AGTPBP1: variants seen among roughly 807,000 people sequenced by gnomAD.
AGTPBP1 encodes cytosolic carboxypeptidase 1.
Under a neutral mutation model 143.9 loss-of-function variants are expected in AGTPBP1, and 70 were observed. That is an observed-to-expected ratio of 0.49 (90% CI 0.40 to 0.59). The LOEUF (loss-of-function observed/expected upper bound fraction) is 0.59, where lower values mean the gene tolerates loss of function less well. Ranked by LOEUF, AGTPBP1 falls within the 20% of genes least tolerant of loss-of-function variation. The pLI is 0.00. For synonymous variants in AGTPBP1, 463 were observed against 500.2 expected, an observed-to-expected ratio of 0.93 and a Z score of 0.99; for missense variants, 1,229 against 1,464.5, an observed-to-expected ratio of 0.84 and a Z score of 2.62.
At chr9:85,751,532 T>C in the AGTPBP1 span, among the ~76,000 whole-genome samples, 2 of 152,336 alleles carry the variant, frequency 1.3e-5, no homozygotes, top group Non-Finnish European at 2.9e-5. Flanking sequence ...CTCTGACTCA[T>C]GGCGTCCTTC....
At chr9:85,584,038 T>C (rs1249495312) in intron 23 of AGTPBP1, among the ~76,000 whole-genome samples, 3 of 152,006 alleles carry the variant, frequency 2.0e-5, no homozygotes, top group African/African-American at 7.2e-5. Flanking sequence ...GTGGCAATGA[T>C]GGTGCTGTTC....
In AGTPBP1 at chr9:85,592,600, T is replaced by C. The variant is rs1057083412; in HGVS notation, c.2528A>G (p.Tyr843Cys). The C allele has an allele frequency of 1.9e-6, 3 of 1,611,858 alleles. No individual in the cohort carries two copies. The highest frequency in any genetic ancestry group is 2.5e-6 in the Non-Finnish European group (3 of 1,179,024). The change falls in exon 19 of 26, where the codon TAC becomes TGC. Residue 843 changes from tyrosine (Y) to cysteine (C), a missense_variant. Transcript: ENST00000357081. ...VNFPHKDDVC[Y>C]FAYHYPYTYS... ...CGTATATGGATAGTGATAAGCAAAGTAGCAAACATCATCTTTATGTGGAAA... is the reference window on the plus strand; with the variant it reads ...CGTATATGGATAGTGATAAGCAAAGCAGCAAACATCATCTTTATGTGGAAA...
chr9:85,708,335 A>T (rs772492454), intron 2 of AGTPBP1, among the ~76,000 whole-genome samples: 88 of 152,028 alleles, frequency 5.8e-4, no homozygotes, highest in Non-Finnish European at 1.1e-3. Flanking sequence ...CAAGATGCTC[A>T]ATTTATTTAT....
chr9:85,660,060 TG>T (rs973977580), intron 9 of AGTPBP1, among the ~76,000 whole-genome samples: 7 of 152,124 alleles, frequency 4.6e-5, no homozygotes, highest in African/African-American at 1.7e-4. Context: ...ATTAGATTTT[TG>T]ATCAATTCAT....
chr9:85,614,970 T>G (rs1347656610), intron 17 of AGTPBP1, among the ~76,000 whole-genome samples: 1 of 152,174 alleles, frequency 6.6e-6, no homozygotes, highest in African/African-American at 2.4e-5. Flanking sequence ...TAACGGCTTC[T>G]GAACGGTATT....
the AGTPBP1 span, among the ~76,000 whole-genome samples, chr9:85,756,778 T>G: frequency 6.6e-6 from 1 of 152,190 alleles, no homozygotes; most frequent in South Asian, 2.1e-4. Flanking sequence ...GGGAATGAAG[T>G]AGTGATACAT....
chr9:85,783,815 A>G, the AGTPBP1 span, among the ~76,000 whole-genome samples: 1 of 151,990 alleles, frequency 6.6e-6, no homozygotes, highest in Non-Finnish European at 1.5e-5. Context: ...TTGTATTTTT[A>G]GTAGAGACCA....
chr9:85,551,568 C>T lies in AGTPBP1; in HGVS notation c.3504-4282G>A, dbSNP rs558974788. Among the ~76,000 whole-genome samples, 15 of 152,260 alleles carry T rather than the reference C, an allele frequency of 9.9e-5. 1 individual carries two copies. The South Asian group carries it at 1.5e-3, about 15-fold the overall frequency. On this transcript the variant is annotated intron_variant, in intron 25 of 25. Coordinates refer to ENST00000357081, the MANE Select transcript of AGTPBP1 (RefSeq NM_001330701.2). ...CCAGAAGGGCATGACACATTGCAGGCACCTCAATAAATGTTTGCTAAACTC... is the reference window on the plus strand; with the variant it reads ...CCAGAAGGGCATGACACATTGCAGGTACCTCAATAAATGTTTGCTAAACTC...
intron 1 of AGTPBP1, among the ~76,000 whole-genome samples, chr9:85,718,014 T>C (rs1837832390): frequency 6.6e-6 from 1 of 152,222 alleles, no homozygotes; most frequent in Non-Finnish European, 1.5e-5. Flanking sequence ...GAACTCATCA[T>C]TTTTTATGGC....
rs1384288396 is a variant in AGTPBP1 at position 85,669,588 on chromosome 9, G to A, written c.569-10C>T. On this transcript the variant is annotated splice_polypyrimidine_tract_variant and intron_variant, in intron 7 of 25. Coordinates refer to ENST00000357081, the MANE Select transcript of AGTPBP1 (RefSeq NM_001330701.2). ...GATACTGAATTCACAGCTGAGAGGG[G>A]GAGAAAGAGATGCAAAATTATTTTA... 1.3e-6 allele frequency: 2 copies of A among 1,590,764 alleles called. No individual in the cohort carries two copies. Among genetic ancestry groups the A allele is most frequent in the Admixed American group, 1.7e-5 (1 of 59,288 alleles).
intron 25 of AGTPBP1, among the ~76,000 whole-genome samples, chr9:85,552,833 T>C (rs547045974): frequency 1.3e-5 from 2 of 152,334 alleles, no homozygotes; most frequent in East Asian, 3.9e-4. Flanking sequence ...AACCTACCTG[T>C]TTTAAGACAG....
At chr9:85,805,246 G>T in the AGTPBP1 span, 1 of 152,204 alleles carries the variant, frequency 6.6e-6, no homozygotes, top group Non-Finnish European at 1.5e-5. Context: ...ACAAACCCCC[G>T]CGCTCGGCGG....
chr9:85,631,153 T>C (rs1276394498), intron 14 of AGTPBP1, among the ~76,000 whole-genome samples: 4 of 152,256 alleles, frequency 2.6e-5, no homozygotes, highest in Non-Finnish European at 4.4e-5. Flanking sequence ...TGTTGTTACA[T>C]TGTACCCTGT....
chr9:85,645,565 A>G (rs984949205), intron 12 of AGTPBP1, among the ~76,000 whole-genome samples: 8 of 152,180 alleles, frequency 5.3e-5, no homozygotes, highest in African/African-American at 1.7e-4. Flanking sequence ...CTATCTCCAA[A>G]GTGAATCGAA....
chr9:85,633,175 T>A lies in AGTPBP1; in HGVS notation c.1502A>T (p.Asp501Val). ...KSTFMDLAKE[D>V]IKDNDRTLQQ... Reference sequence around the variant, plus strand: ...TAATGTTCTATCATTATCTTTAATATCTTCTTTTGCTAGATCCATAAAGGT... The same window carrying A: ...TAATGTTCTATCATTATCTTTAATAACTTCTTTTGCTAGATCCATAAAGGT... Residue 501 changes from aspartate (D) to valine (V), a missense_variant, in exon 14 of 26, where the codon GAT (aspartate) becomes GTT (valine). Around this residue, in one of 2 missense-constraint regions of AGTPBP1, gnomAD observed 743 missense variants for 812.2 expected, o/e 0.91. Transcript: ENST00000357081. 1 of 1,613,528 alleles carries A rather than the reference T, an allele frequency of 6.2e-7. No homozygotes were observed. The highest frequency in any genetic ancestry group is 8.5e-7 in the Non-Finnish European group (1 of 1,179,874).
chr9:85,627,258 GCA>G (rs138235711), intron 14 of AGTPBP1, among the ~76,000 whole-genome samples: 5 of 151,328 alleles, frequency 3.3e-5, no homozygotes, highest in African/African-American at 2.4e-5. Flanking sequence ...TTATGTGCGC[GCA>G]CACACACACA....
intron 3 of AGTPBP1, among the ~76,000 whole-genome samples, chr9:85,687,256 T>C (rs1239788850): frequency 6.6e-6 from 1 of 152,020 alleles, no homozygotes; most frequent in South Asian, 2.1e-4. Flanking sequence ...CCTGCCAAAA[T>C]TAAAAAGATA....
At chr9:85,711,526 G>A (rs1032246888) in intron 2 of AGTPBP1, among the ~76,000 whole-genome samples, 4 of 149,300 alleles carry the variant, frequency 2.7e-5, no homozygotes, top group African/African-American at 9.9e-5. Context: ...TGCAACCTCT[G>A]ACTCTCGGGT....
chr9:85,557,323 T>G (rs972657308), intron 25 of AGTPBP1, among the ~76,000 whole-genome samples: 1 of 152,202 alleles, frequency 6.6e-6, no homozygotes, highest in African/African-American at 2.4e-5. Flanking sequence ...CCAAACTTAT[T>G]TATCTGGATG....
Sources: allele counts gnomAD v4.1 joint callset (sites outside exome capture counted in the v4.1 genomes callset), GRCh38; gene constraint gnomAD v4.1.1; regional missense constraint gnomAD v4.1.1; transcripts MANE v1.5; gene names NCBI Gene and HGNC (gene_info 2026-07-23, HGNC 2026-07-21).